The following GRIK4 variants were observed in gnomAD, a reference collection of about 807,000 sequenced individuals.
GRIK4 encodes the protein glutamate ionotropic receptor kainate type subunit 4.
Under a neutral mutation model 104.9 loss-of-function variants are expected in GRIK4, and 40 were observed. The ratio of observed to expected loss-of-function variants is 0.38; its 90% CI spans 0.30 to 0.50. The LOEUF is 0.50. Ranked by LOEUF, GRIK4 falls within the 20% of genes least tolerant of loss-of-function variation. GRIK4 has a pLI of 0.93. For synonymous variants in GRIK4, 485 were observed against 524.9 expected, an observed-to-expected ratio of 0.92 and a Z score of 1.04; for missense variants, 1,047 against 1,308.1, an observed-to-expected ratio of 0.80 and a Z score of 3.08.
At chr11:120,794,332 T>C (rs1207532619) in intron 3 of GRIK4, among the ~76,000 whole-genome samples, 5 of 151,224 alleles carry the variant, frequency 3.3e-5, no homozygotes, top group Non-Finnish European at 5.9e-5. Context: ...GAGAGTCGGG[T>C]GATGGTTTTG....
At chr11:120,711,392 C>G (rs1375626891) in intron 3 of GRIK4, among the ~76,000 whole-genome samples, 1 of 152,192 alleles carries the variant, frequency 6.6e-6, no homozygotes, top group Non-Finnish European at 1.5e-5. Flanking sequence ...GTGCCCATCA[C>G]CTGCCTCTGC....
intron 1 of GRIK4, among the ~76,000 whole-genome samples, chr11:120,625,318 A>G (rs1441775903): frequency 1.3e-5 from 2 of 152,088 alleles, no homozygotes; most frequent in Non-Finnish European, 2.9e-5. Flanking sequence ...AAAGAAGGAA[A>G]AGAGGGAGGT....
chr11:120,712,792 G>C (rs1192829936), intron 3 of GRIK4, among the ~76,000 whole-genome samples: 1 of 152,158 alleles, frequency 6.6e-6, no homozygotes, highest in African/African-American at 2.4e-5. Context: ...GATTCTTCAC[G>C]ATGGCCCTTT....
intron 6 of GRIK4, 91 bp from the exon 7 acceptor site, chr11:120,831,761 G>C: frequency 1.1e-6 from 1 of 951,822 alleles, no homozygotes; most frequent in Non-Finnish European, 1.6e-6. Flanking sequence ...CCCACTTCCA[G>C]CCCACATCTC....
chr11:120,872,748 TTTTG>T lies in GRIK4; in HGVS notation c.907-1294_907-1291del, dbSNP rs549226280. On this transcript the variant is annotated intron_variant, in intron 9 of 20. Transcript: ENST00000527524. Reference sequence around the variant, plus strand: ...GTATAGTCAATTGCACTTGCTAGGGTTTTGTTTGTTTGTTTGTTTGTTTGTTTTT... The same window carrying T: ...GTATAGTCAATTGCACTTGCTAGGGTTTTGTTTGTTTGTTTGTTTGTTTTT... 2.2e-3 allele frequency: 418 copies of T among 185,962 alleles called. 1 individual carries two copies. Among genetic ancestry groups the T allele is most frequent in the South Asian group, 3.4e-3 (30 of 8,918 alleles). The allele number at this position is 185,962 out of a possible 1,614,324, so 11.5% of individuals were successfully genotyped here. A position where few individuals can be genotyped will look rare whatever the true frequency, so the allele number is the denominator to read the frequency against.
intron 8 of GRIK4, among the ~76,000 whole-genome samples, chr11:120,841,660 A>G (rs1029184566): frequency 6.6e-6 from 1 of 152,144 alleles, no homozygotes; most frequent in African/African-American, 2.4e-5. Flanking sequence ...TCATGTGGTA[A>G]TTATCCGTTT....
intron 1 of GRIK4, among the ~76,000 whole-genome samples, chr11:120,593,981 G>C (rs1467707070): frequency 2.0e-5 from 3 of 152,022 alleles, no homozygotes; most frequent in African/African-American, 7.3e-5. Flanking sequence ...CACTTGCCCT[G>C]CCACCCTTCA....
At chr11:120,839,235 C>T (rs533156966) in intron 8 of GRIK4, among the ~76,000 whole-genome samples, 1 of 152,324 alleles carries the variant, frequency 6.6e-6, no homozygotes, top group South Asian at 2.1e-4. Flanking sequence ...TGGGGATCTC[C>T]ACCATGTCTC....
At position 120,903,399 on chromosome 11, in the gene GRIK4, C is replaced by G. The variant is rs1285999330; in HGVS notation, c.1273-1891C>G. On this transcript the variant is annotated intron_variant, in intron 12 of 20. Transcript: ENST00000527524. The surrounding 1 kb of genome is among the most constrained non-coding windows in gnomAD (Gnocchi z 4.4). ...GCACGAGCTCCCTTCTCTCTGTGAA[C>G]CCACCCATACCCTCTACCTCACCTC... Among the ~76,000 whole-genome samples the G allele has an allele frequency of 6.6e-6, 1 of 152,116 alleles. No homozygotes were observed. The highest frequency in any genetic ancestry group is 1.5e-5 in the Non-Finnish European group (1 of 68,006).
intron 1 of GRIK4, among the ~76,000 whole-genome samples, chr11:120,568,746 C>G (rs1332707859): frequency 6.6e-6 from 1 of 152,164 alleles, no homozygotes; most frequent in Non-Finnish European, 1.5e-5. Flanking sequence ...TCCTCTTGTG[C>G]AATCCTTCTT....
intron 3 of GRIK4, among the ~76,000 whole-genome samples, chr11:120,747,296 T>TGG (rs143902111): frequency 0.012 from 1,876 of 152,324 alleles, 13 homozygotes; most frequent in Admixed American, 0.018. Context: ...TCACATTTGT[T>TGG]GGAAGCTGAT....
intron 1 of GRIK4, among the ~76,000 whole-genome samples, chr11:120,569,973 G>A (rs1461535995): frequency 6.6e-6 from 1 of 152,176 alleles, no homozygotes; most frequent in Non-Finnish European, 1.5e-5. Flanking sequence ...TGTGCTTTTT[G>A]GGATTAAGGC....
chr11:120,516,746 T>C (rs1470469564), intron 1 of GRIK4, among the ~76,000 whole-genome samples: 1 of 152,010 alleles, frequency 6.6e-6, no homozygotes, highest in Admixed American at 6.5e-5. Context: ...GAGCCGGAAG[T>C]GTCAGAGATA....
In GRIK4 at chr11:120,643,642, A is replaced by G. The variant is rs192512159; in HGVS notation, c.-158-10043A>G. The stretch of plus-strand genomic sequence containing the variant: ...GACAATACTGTTTGCAACTTGGCTC[A>G]TCGCTCATTAGCTTTGTGATCCTTG... On this transcript the variant is annotated intron_variant, in intron 1 of 20. Coordinates refer to ENST00000527524, the MANE Select transcript of GRIK4 (RefSeq NM_014619.5). 7.2e-5 allele frequency among the ~76,000 whole-genome samples: 11 copies of G among 152,354 alleles called. No individual in the cohort carries two copies. The East Asian group carries it at 1.7e-3, about 24-fold the overall frequency.
intron 1 of GRIK4, among the ~76,000 whole-genome samples, chr11:120,643,200 T>A (rs1257163872): frequency 6.6e-6 from 1 of 152,076 alleles, no homozygotes; most frequent in Non-Finnish European, 1.5e-5. Flanking sequence ...AAGTAAATTA[T>A]ATAACAAGCT....
intron 1 of GRIK4, among the ~76,000 whole-genome samples, chr11:120,556,171 C>T (rs1422133416): frequency 6.6e-6 from 1 of 152,094 alleles, no homozygotes; most frequent in Non-Finnish European, 1.5e-5. Context: ...AGGGAAGGAT[C>T]AGTGTCCCCC....
At chr11:120,619,903 G>A (rs892539599) in intron 1 of GRIK4, 21 of 283,982 alleles carry the variant, frequency 7.4e-5, no homozygotes, top group Non-Finnish European at 1.3e-4. Context: ...ACTGAAAAGA[G>A]TTAACAGTGT....
At chr11:120,934,937 C>T (rs1943564682) in intron 13 of GRIK4, among the ~76,000 whole-genome samples, 1 of 152,140 alleles carries the variant, frequency 6.6e-6, no homozygotes, top group Admixed American at 6.5e-5. Context: ...CGATTTTAGA[C>T]CTGCCTTCCC....
intron 3 of GRIK4, among the ~76,000 whole-genome samples, chr11:120,769,435 A>G (rs990115235): frequency 3.9e-5 from 6 of 152,206 alleles, no homozygotes; most frequent in African/African-American, 1.4e-4. Flanking sequence ...GACAACACAT[A>G]AATGAATGAA....
Sources: allele counts gnomAD v4.1 joint callset (sites outside exome capture counted in the v4.1 genomes callset), GRCh38; gene constraint gnomAD v4.1.1; non-coding constraint Gnocchi (gnomAD v3.1); transcripts MANE v1.5; gene names NCBI Gene and HGNC (gene_info 2026-07-23, HGNC 2026-07-21).